Variants in RBMS3 observed in about 807,000 individuals in gnomAD.
RBMS3 encodes the protein RNA-binding motif, single-stranded-interacting protein 3.
In RBMS3, 27 loss-of-function variants were observed where a neutral mutation model predicts 66.8. The observed-to-expected ratio is 0.40, with a 90% CI of 0.30 to 0.56. The LOEUF (loss-of-function observed/expected upper bound fraction) is 0.56. RBMS3 is among the 20% of genes least tolerant of loss of function. RBMS3 has a pLI of 0.40. For missense variants in RBMS3, 513 were observed against 549.5 expected (o/e 0.93, Z 0.66); for synonymous variants, 188 against 183.0 (o/e 1.03, Z -0.22).
chr3:29,729,739 T>C (rs55667387), intron 4 of RBMS3, among the ~76,000 whole-genome samples: 50,089 of 151,898 alleles, frequency 0.33, 8,458 homozygotes, highest in South Asian at 0.43. Context: ...TGATGACTAA[T>C]AATGATGAGA....
intron 4 of RBMS3, among the ~76,000 whole-genome samples, chr3:29,702,610 T>C (rs1471777410): frequency 6.6e-6 from 1 of 152,170 alleles, no homozygotes; most frequent in Non-Finnish European, 1.5e-5. Context: ...GCTTCATTCC[T>C]GAGGCCAGCG....
At chr3:29,512,936 A>G (rs2044472998) in intron 3 of RBMS3, among the ~76,000 whole-genome samples, 1 of 152,178 alleles carries the variant, frequency 6.6e-6, no homozygotes, top group Non-Finnish European at 1.5e-5. Flanking sequence ...TGCTCTCACC[A>G]CATTCAGGTA....
At chr3:29,463,213 T>C (rs540148609) in intron 2 of RBMS3, among the ~76,000 whole-genome samples, 11 of 152,268 alleles carry the variant, frequency 7.2e-5, no homozygotes, top group Non-Finnish European at 1.2e-4. Context: ...TATTTTTAGG[T>C]AAATTTGAGG....
At chr3:29,813,468 T>C (rs1008229717) in intron 6 of RBMS3, among the ~76,000 whole-genome samples, 2 of 152,118 alleles carry the variant, frequency 1.3e-5, no homozygotes, top group Non-Finnish European at 2.9e-5. Context: ...TGCGGGCTCT[T>C]TTTTGGTTCC....
chr3:29,379,010 T>A (rs1464351649), intron 1 of RBMS3, among the ~76,000 whole-genome samples: 1 of 152,208 alleles, frequency 6.6e-6, no homozygotes, highest in Non-Finnish European at 1.5e-5. Context: ...CTCTGTCTTG[T>A]CTGCAGAGAG....
chr3:29,653,641 G>A (rs1171178034), intron 4 of RBMS3, among the ~76,000 whole-genome samples: 1 of 152,010 alleles, frequency 6.6e-6, no homozygotes, highest in Admixed American at 6.5e-5. Context: ...TCTTTCACAC[G>A]AATAAAACTT....
At chr3:29,848,986 T>C (rs931854285) in intron 6 of RBMS3, among the ~76,000 whole-genome samples, 1 of 152,164 alleles carries the variant, frequency 6.6e-6, no homozygotes, top group Non-Finnish European at 1.5e-5. Flanking sequence ...TTTTGTAAAA[T>C]CACAAAGGAT....
intron 4 of RBMS3, 30 bp downstream of exon 4, chr3:29,587,235 T>TTTTTTTTG (rs1553626527): frequency 4.0e-6 from 3 of 750,114 alleles, no homozygotes; most frequent in Non-Finnish European, 3.7e-6. Context: ...GTGTTTTTTT[T>TTTTTTTTG]TTTTTTTTTT....
At chr3:29,563,754 G>T (rs569731028) in intron 3 of RBMS3, among the ~76,000 whole-genome samples, 170 of 152,194 alleles carry the variant, frequency 1.1e-3, no homozygotes, top group African/African-American at 3.6e-3. Context: ...ACTGGGCGTG[G>T]TGACTCATGG....
chr3:29,983,613 G>GTGA (rs1325164412), intron 12 of RBMS3, among the ~76,000 whole-genome samples: 1 of 152,048 alleles, frequency 6.6e-6, no homozygotes, highest in Non-Finnish European at 1.5e-5. Flanking sequence ...AGGCTCGGTG[G>GTGA]TGATGAAATC....
Position 29,397,182 on chromosome 3 carries a change from C to T in RBMS3, c.76-37561C>T, listed in dbSNP as rs139070216. 2.0e-4 allele frequency among the ~76,000 whole-genome samples: 31 copies of T among 152,188 alleles called. 1 individual carries two copies. The highest frequency in any genetic ancestry group is 2.0e-3 in the Admixed American group (31 of 15,282). On this transcript the variant is annotated intron_variant, in intron 1 of 14. Coordinates refer to ENST00000383767, the MANE Select transcript of RBMS3 (RefSeq NM_001003793.3). Reference sequence around the variant, plus strand: ...TGCTCTTTAAATGCATGTTTATATACACAATTTCCAGGATGACATGGCAGA... The same window carrying T: ...TGCTCTTTAAATGCATGTTTATATATACAATTTCCAGGATGACATGGCAGA...
intron 4 of RBMS3, among the ~76,000 whole-genome samples, chr3:29,718,385 T>A (rs995113377): frequency 6.6e-6 from 1 of 152,074 alleles, no homozygotes; most frequent in African/African-American, 2.4e-5. Context: ...TAAGTTTATT[T>A]AGGAAGTGAT....
At chr3:29,311,327 A>C (rs2125466746) in intron 1 of RBMS3, among the ~76,000 whole-genome samples, 1 of 151,886 alleles carries the variant, frequency 6.6e-6, no homozygotes, top group African/African-American at 2.4e-5. Flanking sequence ...TAGGTTTGAA[A>C]AATCTAATAA....
In RBMS3 at chr3:29,493,061, C is replaced by A. The variant is rs34052454; in HGVS notation, c.307+4562C>A. ...ACATATGTTTTAAATTATGTATCTA[C>A]GTACAACTTTGAGCACTCTCGTTTT... On this transcript the variant is annotated intron_variant, in intron 3 of 14. Coordinates refer to ENST00000383767, the MANE Select transcript of RBMS3 (RefSeq NM_001003793.3). 9.8e-3 allele frequency among the ~76,000 whole-genome samples: 1,495 copies of A among 151,890 alleles called. 34 individuals are homozygous for A. The highest frequency in any genetic ancestry group is 0.034 in the African/African-American group (1,394 of 41,408).
chr3:29,830,441 A>T (rs1226162624), intron 6 of RBMS3, among the ~76,000 whole-genome samples: 1 of 152,160 alleles, frequency 6.6e-6, no homozygotes, highest in African/African-American at 2.4e-5. Context: ...ATGGTAGTGA[A>T]GTTGCAGGGC....
At chr3:29,412,361 CAGA>C (rs2040300295) in intron 1 of RBMS3, among the ~76,000 whole-genome samples, 2 of 152,138 alleles carry the variant, frequency 1.3e-5, no homozygotes, top group South Asian at 4.1e-4. Flanking sequence ...CAGAGAACTG[CAGA>C]AGGAGAAGGG....
rs150919879 is a variant in RBMS3 at position 29,703,237 on chromosome 3, A to C, written c.400-36483A>C. Among the ~76,000 whole-genome samples the C allele has an allele frequency of 5.3e-5, 8 of 152,326 alleles. No homozygotes were observed. In the East Asian group the frequency reaches 1.5e-3, roughly 29 times the overall value. ...TTTGTTTCGAGGGTCCACTCACTTC[A>C]CTACGGAGCTGTACTGTCTTCTCCA... On this transcript the variant is annotated intron_variant, in intron 4 of 14. Transcript: ENST00000383767.
intron 2 of RBMS3, among the ~76,000 whole-genome samples, chr3:29,444,521 T>G (rs1405522055): frequency 6.6e-6 from 1 of 151,968 alleles, no homozygotes; most frequent in African/African-American, 2.4e-5. Flanking sequence ...ATCAGTATGG[T>G]AAAGGACAAC....
At position 29,790,596 on chromosome 3, in the gene RBMS3, C is replaced by G. The variant is rs535522606; in HGVS notation, c.637+27607C>G. ...AGCCTACATAGATGTCAGAGATTCT[C>G]TAAAATGACCCAGCCAATACTCCCT... On this transcript the variant is annotated intron_variant, in intron 6 of 14. Coordinates refer to ENST00000383767, the MANE Select transcript of RBMS3 (RefSeq NM_001003793.3). Among the ~76,000 whole-genome samples, 220 of 152,178 alleles carry G rather than the reference C, an allele frequency of 1.4e-3. 1 individual carries two copies. Among genetic ancestry groups the G allele is most frequent in the African/African-American group, 5.0e-3 (209 of 41,542 alleles).
Sources: allele counts gnomAD v4.1 joint callset (sites outside exome capture counted in the v4.1 genomes callset), GRCh38; gene constraint gnomAD v4.1.1; transcripts MANE v1.5; gene names NCBI Gene and HGNC (gene_info 2026-07-23, HGNC 2026-07-21).